RALY: variants seen among roughly 807,000 people sequenced by gnomAD.
The protein encoded by RALY is RALY heterogeneous nuclear ribonucleoprotein.
In RALY, 15 loss-of-function variants were observed where a neutral mutation model predicts 30.7. That is an observed-to-expected ratio of 0.49 (90% CI 0.33 to 0.75). The LOEUF (loss-of-function observed/expected upper bound fraction) is 0.75, where lower values mean the gene tolerates loss of function less well. Among genes scored for constraint, RALY ranks in the 30% least tolerant of loss-of-function variants. RALY has a pLI of 0.02. For synonymous variants in RALY, 177 were observed against 170.8 expected, an observed-to-expected ratio of 1.04 and a Z score of -0.28; for missense variants, 339 against 414.3, an observed-to-expected ratio of 0.82 and a Z score of 1.58.
intron 1 of RALY, among the ~76,000 whole-genome samples, chr20:33,996,550 TGTAACTG>T (rs1263965768): frequency 6.6e-6 from 1 of 152,106 alleles, no homozygotes; most frequent in Non-Finnish European, 1.5e-5. Flanking sequence ...CTCAGGGTCA[TGTAACTG>T]GTAAGTGGCC....
intron 5 of RALY, among the ~76,000 whole-genome samples, chr20:34,074,417 C>G (rs947440688): frequency 6.6e-6 from 1 of 152,184 alleles, no homozygotes; most frequent in Admixed American, 6.5e-5. Flanking sequence ...TAGCCACATT[C>G]TTGAGTAGAA....
At chr20:34,059,428 T>C (rs1322188263) in intron 2 of RALY, among the ~76,000 whole-genome samples, 2 of 152,220 alleles carry the variant, frequency 1.3e-5, no homozygotes, top group African/African-American at 4.8e-5. Context: ...CTGTCCATCC[T>C]GGGAGTATTC....
intron 2 of RALY, among the ~76,000 whole-genome samples, chr20:34,062,675 A>G (rs1237853143): frequency 1.3e-5 from 2 of 152,242 alleles, no homozygotes; most frequent in Non-Finnish European, 2.9e-5. Flanking sequence ...ATGGATGGCA[A>G]AACAAGAGGG....
chr20:34,023,688 C>G (rs1174623084), intron 1 of RALY, among the ~76,000 whole-genome samples: 1 of 151,984 alleles, frequency 6.6e-6, no homozygotes, highest in Non-Finnish European at 1.5e-5. Flanking sequence ...GAAAGTGAAG[C>G]CTTATGGTCA....
chr20:34,080,011 G>T lies in RALY; in HGVS notation c.*106G>T. The T allele has an allele frequency of 6.5e-6, 1 of 152,672 alleles. No homozygotes were observed. The highest frequency in any genetic ancestry group is 1.5e-5 in the Non-Finnish European group (1 of 68,332). 9.5% of individuals were successfully genotyped at this position (152,672 alleles called of 1,614,324 possible). On this transcript the variant is annotated 3_prime_UTR_variant, in exon 10 of 10. Transcript: ENST00000246194. The stretch of plus-strand genomic sequence containing the variant: ...TGCCACCCCCCAGCGGGTACCAGAG[G>T]AAAGCTGGCAGCAGGCGCCTCCTCC...
chr20:34,066,169 C>CTTTTT (rs200689368), intron 2 of RALY, among the ~76,000 whole-genome samples: 6 of 126,522 alleles, frequency 4.7e-5, no homozygotes, highest in African/African-American at 1.8e-4. Flanking sequence ...TGCTGATCCT[C>CTTTTT]TTTTTTTTTT....
chr20:34,024,349 T>C (rs1007865688), intron 1 of RALY, among the ~76,000 whole-genome samples: 1 of 152,136 alleles, frequency 6.6e-6, no homozygotes. Context: ...AAGAAAACAG[T>C]AATTACTCGT....
intron 2 of RALY, among the ~76,000 whole-genome samples, chr20:34,035,638 C>G (rs1042098821): frequency 1.3e-5 from 2 of 152,128 alleles, no homozygotes; most frequent in African/African-American, 4.8e-5. Flanking sequence ...CTCCTATATA[C>G]GTTTTTCTTT....
chr20:34,015,728 C>G (rs993080884), intron 1 of RALY, among the ~76,000 whole-genome samples: 1 of 152,030 alleles, frequency 6.6e-6, no homozygotes, highest in Non-Finnish European at 1.5e-5. Context: ...AAAGCCAGGG[C>G]TAGATGAGTC....
chr20:33,995,029 C>T (rs1276158263), intron 1 of RALY, among the ~76,000 whole-genome samples: 2 of 152,114 alleles, frequency 1.3e-5, no homozygotes, highest in Non-Finnish European at 2.9e-5. Context: ...TTAATATTTC[C>T]TGGTGTGAGC....
chr20:34,047,345 A>G (rs1006620487), intron 2 of RALY, among the ~76,000 whole-genome samples: 1 of 152,160 alleles, frequency 6.6e-6, no homozygotes, highest in African/African-American at 2.4e-5. Flanking sequence ...TTCCTCACAA[A>G]TAAAAGGTTT....
chr20:34,045,366 G>T (rs1601463941), intron 2 of RALY, among the ~76,000 whole-genome samples: 1 of 152,242 alleles, frequency 6.6e-6, no homozygotes, highest in East Asian at 1.9e-4. Context: ...CCAGCTGAGA[G>T]AAGGGCAGGT....
intron 2 of RALY, among the ~76,000 whole-genome samples, chr20:34,051,828 A>G (rs1477719239): frequency 6.6e-6 from 1 of 152,144 alleles, no homozygotes; most frequent in Admixed American, 6.5e-5. Flanking sequence ...GATGGTCTCC[A>G]TCTCCTGACC....
chr20:34,040,063 A>T (rs1376760654), intron 2 of RALY, among the ~76,000 whole-genome samples: 1 of 152,038 alleles, frequency 6.6e-6, no homozygotes, highest in Non-Finnish European at 1.5e-5. Context: ...GTGAGCAGAG[A>T]TCCCACCACT....
chr20:34,039,357 C>A (rs73259620), intron 2 of RALY, among the ~76,000 whole-genome samples: 24 of 152,352 alleles, frequency 1.6e-4, no homozygotes, highest in African/African-American at 5.5e-4. Context: ...GACCATGAGA[C>A]ATAGGACCCA....
At position 34,075,980 on chromosome 20, in the gene RALY, G is replaced by A. The variant is rs891046854; in HGVS notation, c.484G>A (p.Val162Ile). 6.8e-6 allele frequency: 11 copies of A among 1,614,058 alleles called. No homozygotes were observed. Among genetic ancestry groups the A allele is most frequent in the East Asian group, 4.5e-5 (2 of 44,896 alleles). ...TTTGGTCCGGCGTGTCAAAACTAAC[G>A]TACCTGTCAAGCTCTTTGCCCGCTC... ...VPLVRRVKTN[V>I]PVKLFARSTA... The change falls in exon 6 of 10, where the codon GTA becomes ATA. Residue 162 changes from valine (V) to isoleucine (I), a missense_variant. Physicochemically the swap from Val to Ile is conservative, Grantham distance 29. Around this residue, in one of 2 missense-constraint regions of RALY, gnomAD observed 268 missense variants for 280.6 expected, o/e 0.95. Transcript: ENST00000246194.
rs144366178 is a variant in RALY, at chr20:34,028,385, C to T, written c.-92-3137C>T. On this transcript the variant is annotated intron_variant, in intron 1 of 9. Coordinates refer to ENST00000246194, the MANE Select transcript of RALY (RefSeq NM_016732.3). ...AGAAGGGGAACAGGGGTACTGTATT[C>T]CTGAGGCCTTAGCTGATGGTGAGTG... is the stretch of plus-strand genomic sequence containing the variant. 4.2e-3 allele frequency among the ~76,000 whole-genome samples: 643 copies of T among 151,904 alleles called. 6 individuals carry two copies. The highest frequency in any genetic ancestry group is 0.015 in the African/African-American group (615 of 41,424).
intron 2 of RALY, among the ~76,000 whole-genome samples, chr20:34,053,428 C>T (rs1395840026): frequency 8.8e-5 from 10 of 113,210 alleles, no homozygotes; most frequent in African/African-American, 2.4e-4. Flanking sequence ...GACAAGGCCT[C>T]GCTGTGTCAC....
chr20:34,070,885 G>A (rs1422837904), intron 2 of RALY, among the ~76,000 whole-genome samples: 1 of 152,154 alleles, frequency 6.6e-6, no homozygotes, highest in African/African-American at 2.4e-5. Context: ...AGTTTAATTG[G>A]TTCACAGTTC....
Sources: gnomAD v4.1 joint callset for allele counts (sites outside exome capture counted in the v4.1 genomes callset) on GRCh38, gnomAD v4.1.1 for gene constraint, gnomAD v4.1.1 regional missense constraint, MANE v1.5 for transcripts, NCBI Gene and HGNC (gene_info 2026-07-23, HGNC 2026-07-21) for gene names.